Variants in DNAH11 observed in about 807,000 individuals in gnomAD.
DNAH11 encodes axonemal beta dynein heavy chain 11.
DNAH11 carries 442 observed loss-of-function variants against 526.0 expected under a neutral mutation model. That is an observed-to-expected ratio of 0.84 (90% CI 0.78 to 0.91). The LOEUF is 0.91. Among genes scored for constraint, DNAH11 ranks in the 40% least tolerant of loss-of-function variants. The probability of loss-of-function intolerance (pLI) is 0.00; values close to 1 mark genes in which losing one functional copy is unlikely to be tolerated. For missense variants in DNAH11, 6,989 were observed against 5,448.7 expected, an observed-to-expected ratio of 1.28 and a Z score of -8.90; for synonymous variants, 2,461 against 1,935.9, an observed-to-expected ratio of 1.27 and a Z score of -7.12.
intron 51 of DNAH11, among the ~76,000 whole-genome samples, chr7:21,745,954 G>T (rs1050466735): frequency 6.6e-6 from 1 of 152,194 alleles, no homozygotes; most frequent in Non-Finnish European, 1.5e-5. Context: ...TTGAGATACA[G>T]AAAAGAAGAT....
intron 56 of DNAH11, among the ~76,000 whole-genome samples, chr7:21,776,507 G>T (rs1366050453): frequency 2.6e-5 from 4 of 152,142 alleles, no homozygotes; most frequent in Non-Finnish European, 5.9e-5. Context: ...CACATCATTT[G>T]AAAACATTAG....
intron 81 of DNAH11, 30 bp downstream of exon 81, chr7:21,900,150 C>T: frequency 6.3e-7 from 1 of 1,584,190 alleles, no homozygotes; most frequent in Non-Finnish European, 8.6e-7. Context: ...AAGTGGGGAA[C>T]CTTTTCTTAC....
In DNAH11 at chr7:21,892,812, A is replaced by G. The variant is rs535421406; in HGVS notation, c.12750+145A>G. 32 of 961,616 alleles carry G rather than the reference A, an allele frequency of 3.3e-5. 2 individuals are homozygous for G. The highest frequency in any genetic ancestry group is 1.2e-4 in the South Asian group (7 of 56,466). The allele number at this position is 961,616 out of a possible 1,614,324, so 59.6% of individuals were successfully genotyped here. Reference sequence around the variant, plus strand: ...CACCTAGATCAAAATAACATTTCCAACACTCCAGAAGGATACTCATGCCCC... The same window carrying G: ...CACCTAGATCAAAATAACATTTCCAGCACTCCAGAAGGATACTCATGCCCC... On this transcript the variant is annotated intron_variant, in intron 77 of 81. Transcript: ENST00000409508.
intron 63 of DNAH11, among the ~76,000 whole-genome samples, chr7:21,810,680 A>G (rs904270037): frequency 6.6e-6 from 1 of 152,166 alleles, no homozygotes. Flanking sequence ...TTTCATCAGA[A>G]TACTCAAAGT....
intron 5 of DNAH11, 84 bp from the exon 6 acceptor site, chr7:21,564,102 T>C: frequency 1.0e-6 from 1 of 972,390 alleles, no homozygotes; most frequent in Non-Finnish European, 1.5e-6. Context: ...TTGTTTTACG[T>C]GGCTCTCTTC....
At chr7:21,895,718 C>A (rs556399377) in intron 79 of DNAH11, among the ~76,000 whole-genome samples, 1 of 152,240 alleles carries the variant, frequency 6.6e-6, no homozygotes, top group African/African-American at 2.4e-5. Flanking sequence ...TACATTGTAG[C>A]ATGCACACTT....
intron 25 of DNAH11, among the ~76,000 whole-genome samples, chr7:21,634,892 T>G (rs1026344163): frequency 3.3e-5 from 5 of 152,228 alleles, no homozygotes; most frequent in African/African-American, 1.2e-4. Context: ...TAATGCTGTG[T>G]GATAGAAGCG....
At chr7:21,729,643 A>T (rs1785285692) in intron 45 of DNAH11, among the ~76,000 whole-genome samples, 1 of 152,176 alleles carries the variant, frequency 6.6e-6, no homozygotes, top group African/African-American at 2.4e-5. Flanking sequence ...CTAGAATGCA[A>T]TTCAGCCGTG....
chr7:21,638,300 A>G (rs1207843143), intron 27 of DNAH11, among the ~76,000 whole-genome samples: 1 of 152,164 alleles, frequency 6.6e-6, no homozygotes, highest in African/African-American at 2.4e-5. Context: ...AAAATTTTAT[A>G]TTACATAAAC....
Position 21,620,052 on chromosome 7 carries a change from C to T in DNAH11, c.4474C>T (p.Leu1492Phe). 2 of 1,600,296 alleles carry T rather than the reference C, an allele frequency of 1.2e-6. No individual in the cohort carries two copies. The highest frequency in any genetic ancestry group is 2.7e-5 in the African/African-American group (2 of 74,378). ...TCCATTACTAAAGTCTGATGAACAACTTTTTGAAACTCTAGAGCACAACCA... is the reference window on the plus strand; with the variant it reads ...TCCATTACTAAAGTCTGATGAACAATTTTTTGAAACTCTAGAGCACAACCA... ...GIPLLKSDEQLFETLEHNQVQ... is the reference protein window; with the variant it reads ...GIPLLKSDEQFFETLEHNQVQ... The change falls in exon 25 of 82, where the codon CTT (leucine) becomes TTT (phenylalanine). Residue 1492 changes from leucine (L) to phenylalanine (F), a missense_variant. Coordinates refer to ENST00000409508, the MANE Select transcript of DNAH11 (RefSeq NM_001277115.2).
chr7:21,750,174 T>C (rs775667760), intron 53 of DNAH11, 48 bp from the exon 54 acceptor site: 1 of 1,519,260 alleles, frequency 6.6e-7, no homozygotes, highest in South Asian at 1.3e-5. Context: ...ATATGTAAAA[T>C]TTAAATTGCA....
At position 21,857,522 on chromosome 7, in the gene DNAH11, A is replaced by T. The variant is rs1583779986; in HGVS notation, c.11202+3067A>T. On this transcript the variant is annotated intron_variant, in intron 68 of 81. Transcript: ENST00000409508. ...TTCAAAGGACTTAAAATAGCTAAAC[A>T]ATTTTGAAAAAGAAAAAAAAAAACA... 7.7e-5 allele frequency among the ~76,000 whole-genome samples: 9 copies of T among 117,454 alleles called. No individual in the cohort carries two copies. The South Asian group carries it at 2.0e-3, about 26-fold the overall frequency. 77.1% of individuals were successfully genotyped at this position (117,454 alleles called of 152,430 possible). A position where few individuals can be genotyped will look rare whatever the true frequency, so the allele number is the denominator to read the frequency against.
intron 60 of DNAH11, 53 bp downstream of exon 60, chr7:21,787,636 C>G: frequency 6.9e-7 from 1 of 1,455,236 alleles, no homozygotes. Context: ...GGGCTGCAAA[C>G]ACATCAATTT....
intron 65 of DNAH11, among the ~76,000 whole-genome samples, chr7:21,818,698 A>G (rs1413924770): frequency 1.3e-5 from 2 of 152,096 alleles, no homozygotes; most frequent in Non-Finnish European, 2.9e-5. Context: ...TACCCTGTTT[A>G]ATGTTTTTCT....
At chr7:21,697,423 A>G (rs980204909) in intron 35 of DNAH11, among the ~76,000 whole-genome samples, 1 of 152,164 alleles carries the variant, frequency 6.6e-6, no homozygotes, top group African/African-American at 2.4e-5. Flanking sequence ...GTTTTCATGA[A>G]TGTTCTGAGT....
intron 28 of DNAH11, among the ~76,000 whole-genome samples, chr7:21,639,967 TC>T (rs2128460605): frequency 6.6e-6 from 1 of 152,298 alleles, no homozygotes; most frequent in East Asian, 1.9e-4. Context: ...ATTTTGCTGT[TC>T]TTTGGGCACA....
intron 65 of DNAH11, among the ~76,000 whole-genome samples, chr7:21,829,351 G>T (rs2128007615): frequency 6.6e-6 from 1 of 151,992 alleles, no homozygotes; most frequent in South Asian, 2.1e-4. Flanking sequence ...CCTATTCAGA[G>T]AACATGTTGG....
At chr7:21,764,282 TAAATG>T (rs59496944) in intron 54 of DNAH11, among the ~76,000 whole-genome samples, 84,854 of 151,394 alleles carry the variant, frequency 0.56, 24,412 homozygotes, top group Non-Finnish European at 0.63. Context: ...AAACACTTGT[TAAATG>T]AGATATGGGT....
chr7:21,608,280 A>G (rs1785383606), intron 20 of DNAH11, among the ~76,000 whole-genome samples: 1 of 152,206 alleles, frequency 6.6e-6, no homozygotes. Flanking sequence ...AGAACACTTG[A>G]AAAGATGTTT....
Sources: gnomAD v4.1 joint callset for allele counts (sites outside exome capture counted in the v4.1 genomes callset) on GRCh38, gnomAD v4.1.1 for gene constraint, MANE v1.5 for transcripts, NCBI Gene and HGNC (gene_info 2026-07-23, HGNC 2026-07-21) for gene names.